Variants in TRAPPC8 observed in about 807,000 individuals in gnomAD.
TRAPPC8 encodes the protein general sporulation gene 1 homolog.
TRAPPC8 carries 54 observed loss-of-function variants against 174.3 expected under a neutral mutation model. That is an observed-to-expected ratio of 0.31 (90% CI 0.25 to 0.39). The LOEUF is 0.39. Ranked by LOEUF, TRAPPC8 falls within the 10% of genes least tolerant of loss-of-function variation. The pLI is 1.00. For missense variants in TRAPPC8, 1,531 were observed against 1,699.1 expected, an observed-to-expected ratio of 0.90 and a Z score of 1.74; for synonymous variants, 630 against 579.9, an observed-to-expected ratio of 1.09 and a Z score of -1.24.
In TRAPPC8 at chr18:31,934,643, G is replaced by A. The variant is rs376658865; in HGVS notation, c.158-3120C>T. Among the ~76,000 whole-genome samples the A allele has an allele frequency of 1.2e-4, 19 of 152,230 alleles. No individual in the cohort carries two copies. The East Asian group carries it at 1.7e-3, about 14-fold the overall frequency. On this transcript the variant is annotated intron_variant, in intron 1 of 28. Transcript: ENST00000283351. ...AGCACTTTGGTAGGTCAAGGCGGGCGGATCACCAGAGGTCAGGAGTTCAAG... is the reference window on the plus strand; with the variant it reads ...AGCACTTTGGTAGGTCAAGGCGGGCAGATCACCAGAGGTCAGGAGTTCAAG...
At chr18:31,855,093 T>C (rs1246801351) in intron 21 of TRAPPC8, among the ~76,000 whole-genome samples, 1 of 151,734 alleles carries the variant, frequency 6.6e-6, no homozygotes, top group Non-Finnish European at 1.5e-5. Context: ...TCCCAGCTAC[T>C]TGGGAGGCTG....
At chr18:31,893,308 T>C (rs1406382903) in intron 11 of TRAPPC8, among the ~76,000 whole-genome samples, 1 of 152,168 alleles carries the variant, frequency 6.6e-6, no homozygotes, top group Admixed American at 6.5e-5. Flanking sequence ...AGTGTCAAGA[T>C]ATTACATCAA....
intron 25 of TRAPPC8, 151 bp downstream of exon 25, chr18:31,849,415 G>C (rs142972912): frequency 1.6e-6 from 1 of 639,948 alleles, no homozygotes; most frequent in African/African-American, 1.9e-5. Flanking sequence ...TCTTTTTTTA[G>C]GCCAAAAAAA....
At chr18:31,905,621 T>G (rs1339957870) in intron 9 of TRAPPC8, among the ~76,000 whole-genome samples, 1 of 152,188 alleles carries the variant, frequency 6.6e-6, no homozygotes, top group East Asian at 1.9e-4. Flanking sequence ...AAGGTACCAT[T>G]TAATGTTTTT....
intron 1 of TRAPPC8, chr18:31,939,803 G>T (rs1204390940): frequency 6.6e-6 from 1 of 152,192 alleles, no homozygotes; most frequent in African/African-American, 2.4e-5. Context: ...TGCAGTGGGT[G>T]AGGGAGCTAT....
chr18:31,846,574 T>A, intron 26 of TRAPPC8, 142 bp downstream of exon 26: 1 of 669,440 alleles, frequency 1.5e-6, no homozygotes, highest in Non-Finnish European at 2.6e-6. Flanking sequence ...AGATCCAGTC[T>A]CAAAACAACA....
intron 9 of TRAPPC8, among the ~76,000 whole-genome samples, chr18:31,903,701 C>G (rs1245661521): frequency 6.6e-6 from 1 of 152,154 alleles, no homozygotes; most frequent in Non-Finnish European, 1.5e-5. Context: ...CCTATTATTA[C>G]TGTCAATTTC....
In TRAPPC8 at chr18:31,855,520, G is replaced by C. The variant is rs187734214; in HGVS notation, c.3336+140C>G. On this transcript the variant is annotated intron_variant, in intron 21 of 28. Coordinates refer to ENST00000283351, the MANE Select transcript of TRAPPC8 (RefSeq NM_014939.5). The stretch of plus-strand genomic sequence containing the variant: ...CACAAATCTAATGAAGAATTAAGAT[G>C]ATTTCATACTATTCTACATGAACAT... 7.4e-6 allele frequency: 5 copies of C among 675,456 alleles called. No individual in the cohort carries two copies. In the Admixed American group the frequency reaches 1.8e-4, roughly 24 times the overall value. 41.8% of individuals were successfully genotyped at this position (675,456 alleles called of 1,614,324 possible). A position where few individuals can be genotyped will look rare whatever the true frequency, so the allele number is the denominator to read the frequency against.
chr18:31,848,449 C>T (rs545464029), intron 25 of TRAPPC8, among the ~76,000 whole-genome samples: 7 of 152,304 alleles, frequency 4.6e-5, no homozygotes, highest in African/African-American at 1.7e-4. Flanking sequence ...GATCGTTATA[C>T]ACTTATATAA....
At chr18:31,880,915 C>A (rs916431624) in intron 12 of TRAPPC8, among the ~76,000 whole-genome samples, 4 of 151,822 alleles carry the variant, frequency 2.6e-5, no homozygotes, top group African/African-American at 9.7e-5. Context: ...GCCACACACA[C>A]ACAAAATAAA....
At chr18:31,936,899 C>A (rs1215465901) in intron 1 of TRAPPC8, among the ~76,000 whole-genome samples, 6 of 61,000 alleles carry the variant, frequency 9.8e-5, no homozygotes, top group Admixed American at 2.5e-4. Context: ...AAGACTCCGT[C>A]TTTAAAAAAA....
chr18:31,916,052 G>C (rs377014644), intron 4 of TRAPPC8, among the ~76,000 whole-genome samples: 3 of 126,690 alleles, frequency 2.4e-5, no homozygotes, highest in South Asian at 2.5e-4. Context: ...GCAAGACCTC[G>C]TCTCAAAAAA....
rs2034826116 is a variant in TRAPPC8 at position 31,870,941 on chromosome 18, G to T, written c.2242C>A (p.Leu748Ile). 2 of 1,566,956 alleles carry T rather than the reference G, an allele frequency of 1.3e-6. No individual in the cohort carries two copies. The highest frequency in any genetic ancestry group is 2.7e-5 in the African/African-American group (2 of 73,606). Reference sequence around the variant, plus strand: ...AGTATATCACCTTCTACAACTGCAAGTGGAAATCTTGAATTATCTGAGTAA... The same window carrying T: ...AGTATATCACCTTCTACAACTGCAATTGGAAATCTTGAATTATCTGAGTAA... ...NSYSDNSRFP[L>I]AVVEEPITVE... is the part of the protein sequence containing the mutation. The change falls in exon 15 of 29, where the codon CTT (leucine) becomes ATT (isoleucine). Residue 748 changes from leucine to isoleucine, a missense_variant. Coordinates refer to ENST00000283351, the MANE Select transcript of TRAPPC8 (RefSeq NM_014939.5).
In TRAPPC8 at chr18:31,857,599, A is replaced by C; in HGVS notation, c.3129T>G (p.Gly1043=). Residue 1043 remains glycine (G), a synonymous_variant, in exon 20 of 29, where the codon GGT becomes GGG. Transcript: ENST00000283351. Reference sequence around the variant, plus strand: ...AAAACAAAAAGTTAATTTCATGGACACCTTCTTCATCAGGCCCACGTAACC... The same window carrying C: ...AAAACAAAAAGTTAATTTCATGGACCCCTTCTTCATCAGGCCCACGTAACC... The part of the protein sequence containing the change: ...PMWLRGPDEE[G]VHEINFLFYY... 2 of 1,611,942 alleles carry C rather than the reference A, an allele frequency of 1.2e-6. No individual in the cohort carries two copies. The highest frequency in any genetic ancestry group is 1.7e-6 in the Non-Finnish European group (2 of 1,179,310).
chr18:31,871,238 A>G (rs935391781), intron 14 of TRAPPC8, 118 bp from the exon 15 acceptor site: 8 of 500,068 alleles, frequency 1.6e-5, no homozygotes, highest in Non-Finnish European at 2.3e-5. Flanking sequence ...ACTCTTGCCT[A>G]TTTCTAATTC....
intron 22 of TRAPPC8, among the ~76,000 whole-genome samples, chr18:31,853,377 C>T (rs1231330111): frequency 6.6e-6 from 1 of 152,190 alleles, no homozygotes; most frequent in East Asian, 1.9e-4. Flanking sequence ...AGGCAATTCT[C>T]CTGCCTCAGC....
At chr18:31,838,055 A>C (rs2032865697) in intron 27 of TRAPPC8, among the ~76,000 whole-genome samples, 2 of 151,548 alleles carry the variant, frequency 1.3e-5, no homozygotes, top group South Asian at 4.2e-4. Flanking sequence ...CCGTAGCCTC[A>C]AACTAATGGG....
intron 19 of TRAPPC8, among the ~76,000 whole-genome samples, chr18:31,858,966 G>A (rs1244718695): frequency 2.0e-5 from 3 of 152,156 alleles, no homozygotes; most frequent in Admixed American, 6.5e-5. Context: ...TGAGCCGCAC[G>A]CCTGTGGTTC....
At chr18:31,896,373 A>C (rs1724121242) in intron 11 of TRAPPC8, 1 of 152,142 alleles carries the variant, frequency 6.6e-6, no homozygotes, top group Non-Finnish European at 1.5e-5. Flanking sequence ...AAATTGTTTT[A>C]ATTAAATAAA....
Sources: allele counts gnomAD v4.1 joint callset (sites outside exome capture counted in the v4.1 genomes callset), GRCh38; gene constraint gnomAD v4.1.1; transcripts MANE v1.5; gene names NCBI Gene and HGNC (gene_info 2026-07-23, HGNC 2026-07-21).